The following EMC1 variants were observed in gnomAD, a reference collection of about 807,000 sequenced individuals.
EMC1 encodes ER membrane protein complex subunit 1.
EMC1 carries 103 observed loss-of-function variants against 128.8 expected under a neutral mutation model. The ratio of observed to expected loss-of-function variants is 0.80; its 90% CI spans 0.68 to 0.94. EMC1 has a LOEUF of 0.94. Ranked by LOEUF, EMC1 falls within the 40% of genes least tolerant of loss-of-function variation. EMC1 has a pLI of 0.00. For missense variants in EMC1, 1,083 were observed against 1,250.6 expected, an observed-to-expected ratio of 0.87 and a Z score of 2.02; for synonymous variants, 442 against 490.4, an observed-to-expected ratio of 0.90 and a Z score of 1.30.
rs1425128473 is a variant in EMC1, at chr1:19,216,877, G to A, written c.*2426C>T. The A allele has an allele frequency of 6.6e-6, 1 of 152,124 alleles. No individual in the cohort carries two copies. Among genetic ancestry groups the A allele is most frequent in the African/African-American group, 2.4e-5 (1 of 41,374 alleles). 9.4% of individuals were successfully genotyped at this position (152,124 alleles called of 1,614,324 possible). ...GGCTAATTTTTTTTTATTTTTTGTAGATAGAGTCTTGCTATGTTGCCCAGG... is the reference window on the plus strand; with the variant it reads ...GGCTAATTTTTTTTTATTTTTTGTAAATAGAGTCTTGCTATGTTGCCCAGG... On this transcript the variant is annotated 3_prime_UTR_variant, in exon 23 of 23. Coordinates refer to ENST00000477853, the MANE Select transcript of EMC1 (RefSeq NM_015047.3).
chr1:19,240,847 T>C, intron 6 of EMC1, 169 bp downstream of exon 6: 1 of 721,772 alleles, frequency 1.4e-6, no homozygotes, highest in Non-Finnish European at 2.3e-6. Flanking sequence ...CAAATATGAG[T>C]ACTTTAAATA....
intron 20 of EMC1, chr1:19,221,169 A>G (rs1299824659): frequency 9.7e-6 from 2 of 206,432 alleles, no homozygotes; most frequent in Non-Finnish European, 2.0e-5. Context: ...CCTCCCTCCC[A>G]TACCTCCCCC....
intron 21 of EMC1, 117 bp from the exon 22 acceptor site, chr1:19,219,815 G>A: frequency 8.4e-7 from 1 of 1,197,286 alleles, no homozygotes; most frequent in Non-Finnish European, 1.2e-6. Context: ...AATCTCCTAG[G>A]AGGTCTGCTT....
intron 2 of EMC1, among the ~76,000 whole-genome samples, chr1:19,244,403 G>GT (rs1558113332): frequency 6.6e-6 from 1 of 152,142 alleles, no homozygotes; most frequent in Admixed American, 6.6e-5. Context: ...AGAATAATGT[G>GT]TTTTTTGCAG....
At chr1:19,235,575 C>A (rs1411588339) in intron 12 of EMC1, among the ~76,000 whole-genome samples, 1 of 152,158 alleles carries the variant, frequency 6.6e-6, no homozygotes, top group Non-Finnish European at 1.5e-5. Context: ...ATGGTGGGCG[C>A]CTGTAGTTCC....
chr1:19,230,836 C>G lies in EMC1; in HGVS notation c.2064+8G>C, dbSNP rs1193374282. 1 of 1,613,376 alleles carries G rather than the reference C, an allele frequency of 6.2e-7. No individual in the cohort carries two copies. The highest frequency in any genetic ancestry group is 1.7e-5 in the Admixed American group (1 of 59,948). On this transcript the variant is annotated splice_region_variant and intron_variant, in intron 17 of 22. Coordinates refer to ENST00000477853, the MANE Select transcript of EMC1 (RefSeq NM_015047.3). The stretch of plus-strand genomic sequence containing the variant: ...CACAAAGGGTTGTGCCAGGACATGC[C>G]TTCCTACCTTTCGAAGCCGATATCC...
At chr1:19,248,819 A>C (rs2093643783) in intron 1 of EMC1, among the ~76,000 whole-genome samples, 1 of 152,156 alleles carries the variant, frequency 6.6e-6, no homozygotes, top group Non-Finnish European at 1.5e-5. Context: ...CCTGTGTCTT[A>C]GTTTTTAACA....
At chr1:19,241,429 C>G (rs1001135476) in intron 5 of EMC1, among the ~76,000 whole-genome samples, 2 of 152,222 alleles carry the variant, frequency 1.3e-5, no homozygotes, top group African/African-American at 4.8e-5. Context: ...GGTAAGGCTG[C>G]CCCCTCCAGG....
chr1:19,242,051 A>G (rs892308839), intron 5 of EMC1, among the ~76,000 whole-genome samples: 1 of 152,180 alleles, frequency 6.6e-6, no homozygotes, highest in Non-Finnish European at 1.5e-5. Context: ...TTGAACTAGA[A>G]GTCAGAAGGC....
At position 19,230,870 on chromosome 1, in the gene EMC1, G is replaced by A. The variant is rs748488738; in HGVS notation, c.2038C>T (p.Arg680Trp). The A allele has an allele frequency of 2.4e-5, 39 of 1,614,146 alleles. No homozygotes were observed. In the African/African-American group the frequency reaches 3.1e-4, roughly 13 times the overall value. ...FFYLVDAEQG[R>W]LCGYRLRKDL... Reference sequence around the variant, plus strand: ...TTTCGAAGCCGATATCCACACAGCCGTCCCTGCTCTGCATCCACCAAATAG... The same window carrying A: ...TTTCGAAGCCGATATCCACACAGCCATCCCTGCTCTGCATCCACCAAATAG... Residue 680 changes from arginine to tryptophan, a missense_variant, in exon 17 of 23, where the codon CGG becomes TGG. Arg to Trp is a moderately radical substitution (Grantham distance 101). Coordinates refer to ENST00000477853, the MANE Select transcript of EMC1 (RefSeq NM_015047.3).
chr1:19,244,779 A>T, intron 2 of EMC1, 127 bp downstream of exon 2: 7 of 1,047,760 alleles, frequency 6.7e-6, no homozygotes, highest in Non-Finnish European at 8.5e-6. Context: ...AAAAAGTATC[A>T]GAATCCACTA....
chr1:19,223,471 C>T lies in EMC1; in HGVS notation c.2301G>A (p.Gly767=). The change falls in exon 19 of 23, where the codon GGG becomes GGA. Residue 767 remains glycine (G), a synonymous_variant. Coordinates refer to ENST00000477853, the MANE Select transcript of EMC1 (RefSeq NM_015047.3). Reference sequence around the variant, plus strand: ...TCTGCACAGAGGAGTGAATGATACGCCCAGTGACGCCATCAATGAGGAAGA... The same window carrying T: ...TCTGCACAGAGGAGTGAATGATACGTCCAGTGACGCCATCAATGAGGAAGA... ...IGIFLIDGVT[G]RIIHSSVQKK... The T allele has an allele frequency of 6.2e-7, 1 of 1,614,176 alleles. No homozygotes were observed. The highest frequency in any genetic ancestry group is 2.2e-5 in the East Asian group (1 of 44,876).
At chr1:19,238,161 G>C in intron 10 of EMC1, 22 bp from the exon 11 acceptor site, 1 of 1,611,544 alleles carries the variant, frequency 6.2e-7, no homozygotes, top group Non-Finnish European at 8.5e-7. Context: ...GACAGCACGT[G>C]TCAACTACAG....
intron 20 of EMC1, chr1:19,221,227 T>C: frequency 5.7e-6 from 1 of 174,902 alleles, no homozygotes; most frequent in Non-Finnish European, 1.2e-5. Context: ...TTCATGCAGC[T>C]GCGGTACAGT....
chr1:19,232,027 C>T (rs1429092939), intron 15 of EMC1, among the ~76,000 whole-genome samples: 5 of 152,008 alleles, frequency 3.3e-5, no homozygotes, highest in African/African-American at 1.2e-4. Flanking sequence ...TTTGGGAGGC[C>T]GAGGCAGGTG....
intron 4 of EMC1, 127 bp from the exon 5 acceptor site, chr1:19,242,600 G>T: frequency 3.0e-6 from 3 of 988,730 alleles, no homozygotes; most frequent in Non-Finnish European, 4.4e-6. Context: ...AACACAGCTG[G>T]ATCCTAACCC....
chr1:19,232,972 G>C lies in EMC1; in HGVS notation c.1596C>G (p.Leu532=). 1 of 1,614,144 alleles carries C rather than the reference G, an allele frequency of 6.2e-7. No homozygotes were observed. Among genetic ancestry groups the C allele is most frequent in the Non-Finnish European group, 8.5e-7 (1 of 1,180,026 alleles). The change falls in exon 14 of 23, where the codon CTC becomes CTG. Residue 532 remains leucine (L), a synonymous_variant. Coordinates refer to ENST00000477853, the MANE Select transcript of EMC1 (RefSeq NM_015047.3). The part of the protein sequence containing the change: ...IDTLARDEFN[L]QKMMVMVTAS... ...CTGTTACCATCACCATCATCTTCTG[G>C]AGGTTGAATTCATCTCTGGCCAGGG...
Position 19,233,188 on chromosome 1 carries a change from A to G in EMC1, c.1433-53T>C. ...TACATCAGACTAGGGGTCCATAAGG[A>G]GGTACATGATTTTCCTAATGAGGGA... On this transcript the variant is annotated intron_variant, in intron 13 of 22. Coordinates refer to ENST00000477853, the MANE Select transcript of EMC1 (RefSeq NM_015047.3). 3.3e-6 allele frequency: 5 copies of G among 1,497,500 alleles called. 1 individual carries two copies. The highest frequency in any genetic ancestry group is 4.6e-6 in the Non-Finnish European group (5 of 1,092,702). The allele number at this position is 1,497,500 out of a possible 1,614,324, so 92.8% of individuals were successfully genotyped here.
At chr1:19,249,893 G>A (rs1294914208) in intron 1 of EMC1, among the ~76,000 whole-genome samples, 2 of 151,554 alleles carry the variant, frequency 1.3e-5, no homozygotes, top group Admixed American at 6.6e-5. Context: ...TCCAGCCTGG[G>A]CTACAGAATG....
Sources: allele counts gnomAD v4.1 joint callset (sites outside exome capture counted in the v4.1 genomes callset), GRCh38; gene constraint gnomAD v4.1.1; transcripts MANE v1.5; gene names NCBI Gene and HGNC (gene_info 2026-07-23, HGNC 2026-07-21).